SEMA3A: variants seen among roughly 807,000 people sequenced by gnomAD.
SEMA3A encodes semaphorin-3A.
SEMA3A carries 29 observed loss-of-function variants against 97.9 expected under a neutral mutation model. The observed-to-expected ratio is 0.30, with a 90% CI of 0.22 to 0.40. The LOEUF (loss-of-function observed/expected upper bound fraction) is 0.40, where lower values mean the gene tolerates loss of function less well. Among genes scored for constraint, SEMA3A ranks in the 10% least tolerant of loss-of-function variants. SEMA3A has a pLI of 1.00. For synonymous variants in SEMA3A, 321 were observed against 323.7 expected, an observed-to-expected ratio of 0.99 and a Z score of 0.09; for missense variants, 763 against 951.3, an observed-to-expected ratio of 0.80 and a Z score of 2.60.
intron 3 of SEMA3A, among the ~76,000 whole-genome samples, chr7:84,225,542 G>A (rs1366184350): frequency 6.6e-6 from 1 of 152,066 alleles, no homozygotes; most frequent in Non-Finnish European, 1.5e-5. Context: ...ATGCAGAAGA[G>A]GTGTCTGGCC....
At chr7:84,420,208 T>C (rs957595720) in intron 1 of SEMA3A, among the ~76,000 whole-genome samples, 7 of 150,352 alleles carry the variant, frequency 4.7e-5, no homozygotes, top group African/African-American at 1.7e-4. Context: ...AAGTGACAGA[T>C]ACCATCCCTG....
chr7:84,399,762 A>G (rs2116205159), intron 1 of SEMA3A, among the ~76,000 whole-genome samples: 1 of 152,268 alleles, frequency 6.6e-6, no homozygotes, highest in Non-Finnish European at 1.5e-5. Flanking sequence ...CCTTGAATAA[A>G]CATTGGTGGC....
At chr7:84,487,222 C>T (rs1257226821) in intron 1 of SEMA3A, among the ~76,000 whole-genome samples, 2 of 152,058 alleles carry the variant, frequency 1.3e-5, no homozygotes, top group African/African-American at 4.8e-5. Context: ...CCTGCAAATC[C>T]AGACCCAGGT....
intron 1 of SEMA3A, among the ~76,000 whole-genome samples, chr7:84,379,610 G>T (rs1449432656): frequency 6.6e-6 from 1 of 151,882 alleles, no homozygotes; most frequent in Non-Finnish European, 1.5e-5. Context: ...TTGAGGAAGT[G>T]ATCAGGTTTT....
rs1584356880 is a variant in SEMA3A at position 84,484,367 on chromosome 7, T to G, written c.-246+8093A>C. Among the ~76,000 whole-genome samples, 3 of 152,184 alleles carry G rather than the reference T, an allele frequency of 2.0e-5. No individual in the cohort carries two copies. In the East Asian group the frequency reaches 5.8e-4, roughly 29 times the overall value. On this transcript the variant is annotated intron_variant, in intron 1 of 3. Coordinates refer to the SEMA3A transcript ENST00000424555. ...ATTTTAAATGCATATATTTTTCTTG[T>G]TGGTGCATATAAAAATTTGTAATAA...
chr7:84,059,149 T>A (rs181372142), intron 5 of SEMA3A, among the ~76,000 whole-genome samples: 1 of 152,310 alleles, frequency 6.6e-6, no homozygotes, highest in Admixed American at 6.5e-5. Flanking sequence ...ACGTTCAAAT[T>A]TCAGCATGTA....
At chr7:84,185,693 A>G (rs1237355040) in intron 1 of SEMA3A, among the ~76,000 whole-genome samples, 4 of 28,434 alleles carry the variant, frequency 1.4e-4, no homozygotes, top group African/African-American at 4.0e-4. Context: ...CTCTGGCAGG[A>G]AAAAAAAAAA....
chr7:84,345,509 C>A (rs558001344), intron 2 of SEMA3A, among the ~76,000 whole-genome samples: 1 of 152,308 alleles, frequency 6.6e-6, no homozygotes, highest in African/African-American at 2.4e-5. Context: ...AAATTGGAGT[C>A]AATCCTTTCA....
chr7:84,213,803 C>T (rs1293375726), intron 3 of SEMA3A, among the ~76,000 whole-genome samples: 2 of 152,074 alleles, frequency 1.3e-5, no homozygotes, highest in African/African-American at 4.8e-5. Flanking sequence ...TTATGCTTGT[C>T]TTAATTTTTA....
At chr7:84,032,927 A>G (rs1791811528) in intron 6 of SEMA3A, among the ~76,000 whole-genome samples, 1 of 152,028 alleles carries the variant, frequency 6.6e-6, no homozygotes, top group African/African-American at 2.4e-5. Context: ...TTAAAGTTGT[A>G]ACATAAGATG....
chr7:83,966,543 A>C (rs1041066726), intron 15 of SEMA3A, among the ~76,000 whole-genome samples: 1 of 152,170 alleles, frequency 6.6e-6, no homozygotes, highest in African/African-American at 2.4e-5. Flanking sequence ...CAACAAAAAG[A>C]AACAGAATCA....
chr7:84,311,643 C>A (rs553793783), intron 2 of SEMA3A, among the ~76,000 whole-genome samples: 36 of 151,878 alleles, frequency 2.4e-4, no homozygotes, highest in Non-Finnish European at 3.5e-4. Context: ...GGCAAGTACA[C>A]TTTTCCAGCA....
At chr7:83,991,788 G>T (rs145623333) in intron 12 of SEMA3A, among the ~76,000 whole-genome samples, 88,432 of 122,516 alleles carry the variant, frequency 0.72, 31,972 homozygotes, top group East Asian at 0.86. Flanking sequence ...TCTCTTTTTT[G>T]GTTGTGTCTC....
intron 2 of SEMA3A, among the ~76,000 whole-genome samples, chr7:84,129,623 A>G (rs371308803): frequency 5.9e-5 from 9 of 152,000 alleles, no homozygotes; most frequent in African/African-American, 1.7e-4. Flanking sequence ...CTTTGGATAC[A>G]TTTCCCTGAA....
At chr7:84,237,812 A>T (rs1396265889) in intron 3 of SEMA3A, among the ~76,000 whole-genome samples, 2 of 152,142 alleles carry the variant, frequency 1.3e-5, no homozygotes, top group Non-Finnish European at 2.9e-5. Context: ...TACTGTGCTG[A>T]GACCCAGATG....
Position 84,005,370 on chromosome 7 carries a change from A to G in SEMA3A, c.1329T>C (p.Asp443=). 1 of 1,613,718 alleles carries G rather than the reference A, an allele frequency of 6.2e-7. No individual in the cohort carries two copies. The highest frequency in any genetic ancestry group is 8.5e-7 in the Non-Finnish European group (1 of 1,179,714). ...QIVVDRVDAE[D]GQYDVMFIGT... is the part of the protein sequence containing the mutation. ...CGATAAACATAACATCATACTGTCC[A>G]TCTTCTGCATCCACTCGGTCTACGA... The change falls in exon 11 of 17, where the codon GAT becomes GAC. Residue 443 remains aspartate, a synonymous_variant. Transcript: ENST00000265362.
At chr7:84,040,450 G>T (rs1020040587) in intron 6 of SEMA3A, among the ~76,000 whole-genome samples, 1 of 151,996 alleles carries the variant, frequency 6.6e-6, no homozygotes, top group Admixed American at 6.6e-5. Flanking sequence ...GTGCACACTG[G>T]TCTTTTACCC....
chr7:84,373,473 T>C (rs1803022743), intron 1 of SEMA3A, among the ~76,000 whole-genome samples: 1 of 152,176 alleles, frequency 6.6e-6, no homozygotes, highest in Non-Finnish European at 1.5e-5. Flanking sequence ...AAATAACAGA[T>C]ATTTTCTGAA....
At chr7:84,278,019 TAA>T (rs983022673) in intron 3 of SEMA3A, among the ~76,000 whole-genome samples, 4 of 152,152 alleles carry the variant, frequency 2.6e-5, no homozygotes, top group East Asian at 1.9e-4. Flanking sequence ...TTTATAAATA[TAA>T]GTTTCAACTT....
Sources: gnomAD v4.1 joint callset for allele counts (sites outside exome capture counted in the v4.1 genomes callset) on GRCh38, gnomAD v4.1.1 for gene constraint, MANE v1.5 for transcripts, NCBI Gene and HGNC (gene_info 2026-07-23, HGNC 2026-07-21) for gene names.